EPHA6: variants seen among roughly 807,000 people sequenced by gnomAD.
EPHA6 encodes EPH receptor A6, also known as ephrin type-A receptor 6.
In EPHA6, 50 loss-of-function variants were observed where a neutral mutation model predicts 112.0. That is an observed-to-expected ratio of 0.45 (90% confidence interval 0.36 to 0.56). EPHA6 has a LOEUF of 0.56. Ranked by LOEUF, EPHA6 falls within the 20% of genes least tolerant of loss-of-function variation. EPHA6 has a pLI of 0.00. For synonymous variants in EPHA6, 529 were observed against 490.7 expected (o/e 1.08, Z -1.03); for missense variants, 1,280 against 1,417.4 (o/e 0.90, Z 1.56).
At chr3:97,517,858 G>A (rs1291958152) in intron 10 of EPHA6, among the ~76,000 whole-genome samples, 1 of 151,860 alleles carries the variant, frequency 6.6e-6, no homozygotes, top group Non-Finnish European at 1.5e-5. Flanking sequence ...TTGTCTTACT[G>A]TTTCTGGCTT....
intron 3 of EPHA6, among the ~76,000 whole-genome samples, chr3:97,077,378 G>A (rs949277844): frequency 6.6e-6 from 1 of 151,854 alleles, no homozygotes; most frequent in Non-Finnish European, 1.5e-5. Context: ...AAGGTATAAC[G>A]GAACAGATGC....
rs368911600 is a variant in EPHA6, at chr3:97,448,584, C to T, written c.1748C>T (p.Thr583Ile). 5.3e-5 allele frequency: 86 copies of T among 1,613,304 alleles called. No individual in the cohort carries two copies. The highest frequency in any genetic ancestry group is 7.0e-5 in the Non-Finnish European group (82 of 1,179,520). ...GTCCCCCAGGAACATGAGCAGCTGA[C>T]CTACTCTTCCACAAGGTCCAAAGCC... ...KYYEKEHEQLTYSSTRSKAPS... is the reference protein window; with the variant it reads ...KYYEKEHEQLIYSSTRSKAPS... The change falls in exon 7 of 18, where the codon ACC becomes ATC. Residue 583 changes from threonine (T) to isoleucine (I), a missense_variant. By Grantham distance (89) the Thr-to-Ile change is moderately conservative. Transcript: ENST00000389672.
intron 5 of EPHA6, among the ~76,000 whole-genome samples, chr3:97,378,815 T>C: frequency 6.6e-6 from 1 of 152,192 alleles, no homozygotes; most frequent in East Asian, 1.9e-4. Context: ...ACCCCCATTG[T>C]ATCTAGGAAG....
At chr3:97,079,292 T>C (rs1296355436) in intron 3 of EPHA6, among the ~76,000 whole-genome samples, 1 of 152,128 alleles carries the variant, frequency 6.6e-6, no homozygotes, top group Non-Finnish European at 1.5e-5. Context: ...GATCATGTCT[T>C]TTTCAGGGAC....
rs373819497 is a variant in EPHA6 at position 97,637,859 on chromosome 3, T to G, written c.2575-14T>G. 9 of 1,605,882 alleles carry G rather than the reference T, an allele frequency of 5.6e-6. No individual in the cohort carries two copies. In the African/African-American group the frequency reaches 1.1e-4, roughly 19 times the overall value. ...TAAAATAAATCAATTTACACAATTG[T>G]GATTCTCTTGCAGAAGCATGATGGC... On this transcript the variant is annotated splice_polypyrimidine_tract_variant and intron_variant, in intron 13 of 17. Transcript: ENST00000389672.
In EPHA6 at chr3:97,512,614, G is replaced by C. The variant is rs183614053; in HGVS notation, c.2201-19744G>C. Among the ~76,000 whole-genome samples the C allele has an allele frequency of 3.9e-3, 591 of 152,200 alleles. 4 individuals are homozygous for C. The highest frequency in any genetic ancestry group is 0.013 in the African/African-American group (534 of 41,522). On this transcript the variant is annotated intron_variant, in intron 10 of 17. Transcript: ENST00000389672. ...GAGTCTCATTCTGTCACCCAGGCTA[G>C]AATGCAGTGGCACTATCTCAGCTCA...
intron 3 of EPHA6, among the ~76,000 whole-genome samples, chr3:97,074,207 C>A (rs9838310): frequency 0.21 from 31,209 of 151,604 alleles, 6,759 homozygotes; most frequent in African/African-American, 0.55. Flanking sequence ...AGTCTATTGC[C>A]AATAGAAAAT....
At chr3:96,955,820 A>G (rs1284112761) in intron 2 of EPHA6, among the ~76,000 whole-genome samples, 1 of 152,192 alleles carries the variant, frequency 6.6e-6, no homozygotes, top group Non-Finnish European at 1.5e-5. Flanking sequence ...TTTCAGATGA[A>G]TGCATTTTAA....
At chr3:97,525,710 G>T (rs1288025315) in intron 10 of EPHA6, among the ~76,000 whole-genome samples, 1 of 152,154 alleles carries the variant, frequency 6.6e-6, no homozygotes, top group African/African-American at 2.4e-5. Context: ...GAGTGGCATT[G>T]GATGCAGGTC....
At chr3:96,865,035 A>G (rs978824546) in intron 1 of EPHA6, among the ~76,000 whole-genome samples, 1 of 152,096 alleles carries the variant, frequency 6.6e-6, no homozygotes, top group Non-Finnish European at 1.5e-5. Flanking sequence ...AAGATTGGAC[A>G]TTAATTGGTA....
intron 13 of EPHA6, among the ~76,000 whole-genome samples, chr3:97,629,393 A>G (rs1331921291): frequency 6.6e-6 from 1 of 152,042 alleles, no homozygotes; most frequent in Non-Finnish European, 1.5e-5. Flanking sequence ...ACATGCACAT[A>G]TATGAGAGCA....
Position 97,691,245 on chromosome 3 carries a change from A to G in EPHA6, c.2785-29016A>G, listed in dbSNP as rs1369082572. Reference sequence around the variant, plus strand: ...CCCCTTTGTCTAAAATCAATTGACCATAAATATTTGTATCCATTTAGTTTT... The same window carrying G: ...CCCCTTTGTCTAAAATCAATTGACCGTAAATATTTGTATCCATTTAGTTTT... On this transcript the variant is annotated intron_variant, in intron 14 of 17. Transcript: ENST00000389672. Among the ~76,000 whole-genome samples the G allele has an allele frequency of 2.6e-5, 4 of 152,354 alleles. No homozygotes were observed. In the East Asian group the frequency reaches 5.8e-4, roughly 22 times the overall value.
intron 6 of EPHA6, among the ~76,000 whole-genome samples, chr3:97,440,122 G>C (rs1245839865): frequency 6.6e-6 from 1 of 152,092 alleles, no homozygotes; most frequent in Non-Finnish European, 1.5e-5. Flanking sequence ...TCAATAAGTA[G>C]AGGAGGGGAC....
intron 3 of EPHA6, among the ~76,000 whole-genome samples, chr3:97,141,357 A>G (rs1303321305): frequency 2.6e-5 from 4 of 152,088 alleles, no homozygotes; most frequent in Non-Finnish European, 5.9e-5. Flanking sequence ...AGAATGTTCT[A>G]CCTATCAGCC....
intron 3 of EPHA6, among the ~76,000 whole-genome samples, chr3:97,081,586 A>G (rs1047418019): frequency 1.3e-5 from 2 of 151,812 alleles, no homozygotes; most frequent in Non-Finnish European, 3.0e-5. Context: ...GTAAGTATAC[A>G]TTTTAGTCAG....
chr3:97,676,415 A>C lies in EPHA6; in HGVS notation c.2784+38333A>C, dbSNP rs368404296. On this transcript the variant is annotated intron_variant, in intron 14 of 17. Transcript: ENST00000389672. ...TTAGCAACAAGAACGTCATTGATGT[A>C]TTTGAAGGCATAGATTTGGTGAAGT... Among the ~76,000 whole-genome samples the C allele has an allele frequency of 2.2e-4, 34 of 152,338 alleles. No homozygotes were observed. In the South Asian group the frequency reaches 2.7e-3, roughly 12 times the overall value.
chr3:97,563,065 C>T (rs749964780), intron 11 of EPHA6, among the ~76,000 whole-genome samples: 8 of 152,076 alleles, frequency 5.3e-5, no homozygotes, highest in Non-Finnish European at 7.4e-5. Context: ...AAAATTCATT[C>T]GACTTGCTTT....
Position 97,327,957 on chromosome 3 carries a change from G to A in EPHA6, c.1607-77193G>A, listed in dbSNP as rs1224110755. ...TGTATATGTGTATGTATATGTATCTGTGTGTATATATATGTATATGTGCAT... is the reference window on the plus strand; with the variant it reads ...TGTATATGTGTATGTATATGTATCTATGTGTATATATATGTATATGTGCAT... On this transcript the variant is annotated intron_variant, in intron 5 of 17. Coordinates refer to ENST00000389672, the MANE Select transcript of EPHA6 (RefSeq NM_001080448.3). Among the ~76,000 whole-genome samples the A allele has an allele frequency of 3.8e-4, 50 of 133,190 alleles. 2 individuals carry two copies. The highest frequency in any genetic ancestry group is 1.5e-3 in the African/African-American group (43 of 28,532). The allele number at this position is 133,190 out of a possible 152,430, so 87.4% of individuals were successfully genotyped here.
intron 14 of EPHA6, among the ~76,000 whole-genome samples, chr3:97,685,420 C>T (rs376212648): frequency 1.0e-3 from 158 of 152,262 alleles, no homozygotes; most frequent in African/African-American, 3.4e-3. Flanking sequence ...GATTACACTA[C>T]AGTGTCATAT....
Sources: allele counts gnomAD v4.1 joint callset (sites outside exome capture counted in the v4.1 genomes callset), GRCh38; gene constraint gnomAD v4.1.1; transcripts MANE v1.5; gene names NCBI Gene and HGNC (gene_info 2026-07-23, HGNC 2026-07-21).